OCA2: variants seen among roughly 807,000 people sequenced by gnomAD.
OCA2 encodes OCA2 melanosomal transmembrane protein, also known as P protein.
Under a neutral mutation model 100.2 loss-of-function variants are expected in OCA2, and 77 were observed. The ratio of observed to expected loss-of-function variants is 0.77; its 90% confidence interval spans 0.64 to 0.93. The LOEUF (loss-of-function observed/expected upper bound fraction) is 0.93, where lower values mean the gene tolerates loss of function less well. OCA2 is among the 40% of genes least tolerant of loss of function. OCA2 has a pLI of 0.00. For synonymous variants in OCA2, 432 were observed against 439.2 expected (o/e 0.98, Z 0.21); for missense variants, 1,062 against 1,089.1 (o/e 0.98, Z 0.35).
chr15:28,028,620 C>T (rs914319173), intron 3 of OCA2, among the ~76,000 whole-genome samples: 11 of 152,182 alleles, frequency 7.2e-5, no homozygotes, highest in Non-Finnish European at 1.2e-4. Context: ...CAAGGGGAAT[C>T]ATAAACTTTT....
At chr15:27,871,995 G>T in intron 19 of OCA2, 73 bp from the exon 20 acceptor site, 1 of 1,156,842 alleles carries the variant, frequency 8.6e-7, no homozygotes, top group Non-Finnish European at 1.3e-6. Flanking sequence ...AAAAAGTCTT[G>T]AAAATGAAAA....
At chr15:27,956,047 A>T (rs1000922643) in intron 16 of OCA2, among the ~76,000 whole-genome samples, 3 of 152,170 alleles carry the variant, frequency 2.0e-5, no homozygotes, top group Non-Finnish European at 2.9e-5. Flanking sequence ...TTAAAAAGAA[A>T]ATGTAAAAAT....
chr15:27,762,831 A>C (rs2030951635), intron 23 of OCA2, among the ~76,000 whole-genome samples: 1 of 152,234 alleles, frequency 6.6e-6, no homozygotes, highest in African/African-American at 2.4e-5. Flanking sequence ...TTGAGAGCCA[A>C]AAATCTCATG....
the OCA2 span, among the ~76,000 whole-genome samples, chr15:27,736,454 G>T: frequency 6.6e-6 from 1 of 152,192 alleles, no homozygotes; most frequent in Non-Finnish European, 1.5e-5. Flanking sequence ...AGGACACAGA[G>T]CAGAATGGAG....
At chr15:27,925,548 G>A (rs2594925) in intron 19 of OCA2, among the ~76,000 whole-genome samples, 97,268 of 152,106 alleles carry the variant, frequency 0.64, 31,706 homozygotes, top group East Asian at 0.96. Context: ...ATGAAAGCAC[G>A]TTACATGTTA....
At chr15:27,825,441 C>T (rs1164406813) in intron 23 of OCA2, among the ~76,000 whole-genome samples, 1 of 152,182 alleles carries the variant, frequency 6.6e-6, no homozygotes, top group African/African-American at 2.4e-5. Context: ...TGAAAGTCTT[C>T]AGGACTGAGG....
At chr15:27,835,953 C>A (rs185214836) in intron 23 of OCA2, among the ~76,000 whole-genome samples, 111 of 152,308 alleles carry the variant, frequency 7.3e-4, no homozygotes, top group African/African-American at 2.6e-3. Flanking sequence ...ATAACAAAAT[C>A]ACTACATGGT....
At chr15:27,803,998 T>C (rs538324847) in intron 23 of OCA2, among the ~76,000 whole-genome samples, 1 of 152,316 alleles carries the variant, frequency 6.6e-6, no homozygotes, top group Admixed American at 6.5e-5. Context: ...AGCTATTGGA[T>C]TGTGGTGACG....
intron 22 of OCA2, among the ~76,000 whole-genome samples, chr15:27,845,524 A>G (rs537792174): frequency 1.3e-5 from 2 of 152,266 alleles, no homozygotes; most frequent in South Asian, 4.2e-4. Flanking sequence ...TCACGTCTTC[A>G]CCAATGGCAT....
At chr15:27,723,645 A>G in the OCA2 span, among the ~76,000 whole-genome samples, 129 of 152,000 alleles carry the variant, frequency 8.5e-4, no homozygotes, top group Non-Finnish European at 2.6e-4. Flanking sequence ...GGCGGCTTCA[A>G]TCTCTCATTC....
intron 23 of OCA2, among the ~76,000 whole-genome samples, chr15:27,779,506 A>G (rs919008643): frequency 1.3e-5 from 2 of 152,220 alleles, no homozygotes; most frequent in African/African-American, 2.4e-5. Context: ...TTTCATCATT[A>G]TATGGCATCT....
chr15:27,852,269 T>A (rs1348074299), intron 21 of OCA2, among the ~76,000 whole-genome samples: 1 of 152,222 alleles, frequency 6.6e-6, no homozygotes, highest in Non-Finnish European at 1.5e-5. Flanking sequence ...GTTTCAGCTT[T>A]CTACATATGG....
chr15:27,743,862 C>T, the OCA2 span, among the ~76,000 whole-genome samples: 8 of 152,188 alleles, frequency 5.3e-5, no homozygotes, highest in African/African-American at 1.4e-4. Context: ...GCTTCCCTCC[C>T]GCAGCCAGGT....
chr15:28,053,090 C>A (rs1030825658), intron 2 of OCA2, among the ~76,000 whole-genome samples: 2 of 152,202 alleles, frequency 1.3e-5, no homozygotes, highest in Non-Finnish European at 2.9e-5. Context: ...AAAAGCGAGA[C>A]TGGAAAGGCC....
Position 27,831,284 on chromosome 15 carries a change from C to CAAAAAAAAAAAAAAAAAAAA in OCA2, c.2432+13655_2432+13674dup, listed in dbSNP as rs71132824. 2.1e-3 allele frequency among the ~76,000 whole-genome samples: 130 copies of CAAAAAAAAAAAAAAAAAAAA among 62,628 alleles called. 19 individuals carry two copies. Among genetic ancestry groups the CAAAAAAAAAAAAAAAAAAAA allele is most frequent in the Non-Finnish European group, 3.3e-3 (118 of 35,362 alleles). 41.1% of individuals were successfully genotyped at this position (62,628 alleles called of 152,430 possible). A position where few individuals can be genotyped will look rare whatever the true frequency, so the allele number is the denominator to read the frequency against. Reference sequence around the variant, plus strand: ...CTGGTGACAGAGCGAGACTCCGTCTCAAAAAAAAAAAAAAAAAAAAAATCG... The same window carrying CAAAAAAAAAAAAAAAAAAAA: ...CTGGTGACAGAGCGAGACTCCGTCTCAAAAAAAAAAAAAAAAAAAAAAAAAAAAAAAAAAAAAAAAAATCG... On this transcript the variant is annotated intron_variant, in intron 23 of 23. Transcript: ENST00000354638.
intron 19 of OCA2, among the ~76,000 whole-genome samples, chr15:27,895,153 T>C (rs1023686800): frequency 6.6e-6 from 1 of 152,202 alleles, no homozygotes; most frequent in African/African-American, 2.4e-5. Context: ...TGTGTATCCA[T>C]CACCCAGCTG....
intron 2 of OCA2, among the ~76,000 whole-genome samples, chr15:28,037,192 G>C (rs1161476706): frequency 2.0e-5 from 3 of 151,696 alleles, no homozygotes; most frequent in Non-Finnish European, 4.4e-5. Flanking sequence ...GACCAGCCTG[G>C]GAGTGGGACC....
At chr15:28,054,133 T>C (rs560534217) in intron 2 of OCA2, among the ~76,000 whole-genome samples, 1 of 152,366 alleles carries the variant, frequency 6.6e-6, no homozygotes, top group South Asian at 2.1e-4. Context: ...TGTAAATATG[T>C]GTATGTATAC....
At chr15:27,877,424 A>G (rs988064607) in intron 19 of OCA2, among the ~76,000 whole-genome samples, 2 of 151,894 alleles carry the variant, frequency 1.3e-5, no homozygotes, top group Non-Finnish European at 2.9e-5. Context: ...CTGAAGAGTG[A>G]TAAAATCTTC....
Sources: allele counts gnomAD v4.1 joint callset (sites outside exome capture counted in the v4.1 genomes callset), GRCh38; gene constraint gnomAD v4.1.1; transcripts MANE v1.5; gene names NCBI Gene and HGNC (gene_info 2026-07-23, HGNC 2026-07-21).